The following STX8 variants were observed in gnomAD, a reference collection of about 807,000 sequenced individuals.
The protein encoded by STX8 is syntaxin 8.
Under a neutral mutation model 37.5 loss-of-function variants are expected in STX8, and 23 were observed. The ratio of observed to expected loss-of-function variants is 0.61; its 90% CI spans 0.44 to 0.87. The LOEUF is 0.87. Among genes scored for constraint, STX8 ranks in the 40% least tolerant of loss-of-function variants. The pLI, the probability that STX8 is intolerant of heterozygous loss-of-function variation, is 0.00. For missense variants in STX8, 313 were observed against 284.7 expected, an observed-to-expected ratio of 1.10 and a Z score of -0.71; for synonymous variants, 115 against 99.1, an observed-to-expected ratio of 1.16 and a Z score of -0.95.
At chr17:9,411,217 G>T (rs894329066) in intron 6 of STX8, among the ~76,000 whole-genome samples, 5 of 152,202 alleles carry the variant, frequency 3.3e-5, no homozygotes, top group African/African-American at 9.7e-5. Flanking sequence ...GTAACACCCA[G>T]ATGTGAACTT....
intron 7 of STX8, among the ~76,000 whole-genome samples, chr17:9,373,933 C>CT (rs1438662468): frequency 7.5e-6 from 1 of 133,054 alleles, no homozygotes; most frequent in African/African-American, 3.3e-5. Context: ...GAGCAGAACT[C>CT]TATCTAAAAA....
rs115835745 is a variant in STX8, at chr17:9,312,510, C to T, written c.644-61865G>A. On this transcript the variant is annotated intron_variant, in intron 7 of 7. Transcript: ENST00000306357. ...GCCACCGCGTCTGGCAAGCATGAGA[C>T]ATTTTAAGGGATATCATAAAAGATA... 3.2e-3 allele frequency among the ~76,000 whole-genome samples: 487 copies of T among 152,212 alleles called. 5 individuals are homozygous for T. The highest frequency in any genetic ancestry group is 0.011 in the African/African-American group (463 of 41,540).
At chr17:9,369,284 C>G (rs147357466) in intron 7 of STX8, among the ~76,000 whole-genome samples, 2 of 152,246 alleles carry the variant, frequency 1.3e-5, no homozygotes, top group Non-Finnish European at 2.9e-5. Flanking sequence ...ACAGCGGGTA[C>G]AGAGACAGAC....
intron 7 of STX8, among the ~76,000 whole-genome samples, chr17:9,304,925 AT>A (rs1378664530): frequency 0.031 from 4,392 of 141,600 alleles, 166 homozygotes; most frequent in African/African-American, 0.11. Context: ...GAAAAAAAAA[AT>A]ATGTATATAT....
At chr17:9,319,762 C>T (rs1036330237) in intron 7 of STX8, among the ~76,000 whole-genome samples, 1 of 151,376 alleles carries the variant, frequency 6.6e-6, no homozygotes, top group Non-Finnish European at 1.5e-5. Context: ...ACCAGCCTGA[C>T]CAACATGGTG....
intron 6 of STX8, among the ~76,000 whole-genome samples, chr17:9,445,404 C>T (rs1054169145): frequency 3.4e-5 from 5 of 148,714 alleles, no homozygotes; most frequent in African/African-American, 1.2e-4. Context: ...CTTGTTAACA[C>T]CACTCAGAGG....
At chr17:9,449,483 C>G (rs892313330) in intron 6 of STX8, among the ~76,000 whole-genome samples, 1 of 152,150 alleles carries the variant, frequency 6.6e-6, no homozygotes, top group Admixed American at 6.5e-5. Flanking sequence ...TGGCGTGAAC[C>G]CCGGGGGACG....
intron 7 of STX8, among the ~76,000 whole-genome samples, chr17:9,255,653 T>C (rs1040489678): frequency 1.3e-5 from 2 of 152,302 alleles, no homozygotes; most frequent in East Asian, 1.9e-4. Context: ...ACTGGGTTCT[T>C]GTCCCAAGAT....
At chr17:9,488,819 A>AGTGTGTGTGTGT (rs1244919629) in intron 6 of STX8, among the ~76,000 whole-genome samples, 63 of 92,546 alleles carry the variant, frequency 6.8e-4, no homozygotes, top group East Asian at 9.0e-4. Context: ...AGAGAGAGAG[A>AGTGTGTGTGTGT]GAGTGTGTGT....
chr17:9,558,602 G>A (rs578212822), intron 2 of STX8, among the ~76,000 whole-genome samples: 71 of 152,300 alleles, frequency 4.7e-4, no homozygotes, highest in Admixed American at 1.4e-3. Flanking sequence ...TTGGGAGGCC[G>A]AGGAGGGTGG....
intron 1 of STX8, among the ~76,000 whole-genome samples, chr17:9,569,020 C>A (rs1187759791): frequency 6.6e-6 from 1 of 152,200 alleles, no homozygotes; most frequent in Non-Finnish European, 1.5e-5. Context: ...CCATCTCCAA[C>A]TCACACATGA....
In STX8 at chr17:9,420,399, A is replaced by G. The variant is rs371778177; in HGVS notation, c.542-41746T>C. On this transcript the variant is annotated intron_variant, in intron 6 of 7. Transcript: ENST00000306357. ...CCAAGTTAGCTCTCTTCCTTCGACC[A>G]GTAACCTTACCTATAGGTGCCTATC... Among the ~76,000 whole-genome samples, 25 of 152,282 alleles carry G rather than the reference A, an allele frequency of 1.6e-4. No homozygotes were observed. In the East Asian group the frequency reaches 4.8e-3, roughly 29 times the overall value.
chr17:9,288,570 G>A (rs895155199), intron 7 of STX8, among the ~76,000 whole-genome samples: 1 of 152,130 alleles, frequency 6.6e-6, no homozygotes, highest in African/African-American at 2.4e-5. Flanking sequence ...GCTGAGGCAG[G>A]AGAATGCCGT....
At chr17:9,342,314 G>C (rs1482974276) in intron 7 of STX8, among the ~76,000 whole-genome samples, 2 of 152,102 alleles carry the variant, frequency 1.3e-5, no homozygotes, top group Non-Finnish European at 2.9e-5. Flanking sequence ...CCAGGGGTTG[G>C]GGACCCCTGC....
intron 6 of STX8, among the ~76,000 whole-genome samples, chr17:9,421,238 C>T (rs968767358): frequency 3.3e-5 from 5 of 151,588 alleles, no homozygotes; most frequent in Admixed American, 6.6e-5. Context: ...ACTAAATATA[C>T]GAAATTAGCC....
intron 2 of STX8, among the ~76,000 whole-genome samples, chr17:9,563,154 T>C (rs963631325): frequency 9.7e-5 from 5 of 51,644 alleles, no homozygotes; most frequent in East Asian, 9.6e-4. Context: ...CATTCATCCA[T>C]TTATTTATTT....
At chr17:9,571,810 G>A (rs1907701702) in intron 1 of STX8, among the ~76,000 whole-genome samples, 1 of 151,614 alleles carries the variant, frequency 6.6e-6, no homozygotes, top group Non-Finnish European at 1.5e-5. Context: ...AGCTACTCGG[G>A]AGGCTGAGAT....
intron 7 of STX8, among the ~76,000 whole-genome samples, chr17:9,308,073 G>A (rs1263874): frequency 0.01 from 1,528 of 152,258 alleles, 28 homozygotes; most frequent in African/African-American, 0.034. Context: ...CAGCAATGAA[G>A]ACCCAAAGAC....
chr17:9,538,351 T>G (rs527670037), intron 4 of STX8, among the ~76,000 whole-genome samples: 2 of 152,338 alleles, frequency 1.3e-5, no homozygotes, highest in African/African-American at 4.8e-5. Context: ...TTAAGCAATG[T>G]GAAGTATAAA....
Sources: allele counts gnomAD v4.1 joint callset (sites outside exome capture counted in the v4.1 genomes callset), GRCh38; gene constraint gnomAD v4.1.1; transcripts MANE v1.5; gene names NCBI Gene and HGNC (gene_info 2026-07-23, HGNC 2026-07-21).